The following LIN7A variants were observed in gnomAD, a reference collection of about 807,000 sequenced individuals.
LIN7A encodes the protein lin-7 cell polarity scaffold A, also known as protein lin-7 homolog A.
Under a neutral mutation model 29.8 loss-of-function variants are expected in LIN7A, and 25 were observed. The ratio of observed to expected loss-of-function variants is 0.84; its 90% confidence interval spans 0.61 to 1.17. The LOEUF (loss-of-function observed/expected upper bound fraction) is 1.17. LIN7A is among the 50% of genes most tolerant of loss of function. The pLI is 0.00. For synonymous variants in LIN7A, 118 were observed against 107.5 expected, an observed-to-expected ratio of 1.10 and a Z score of -0.60; for missense variants, 239 against 287.0, an observed-to-expected ratio of 0.83 and a Z score of 1.21.
In LIN7A at chr12:80,795,280, C is replaced by G. The variant is rs947989931; in HGVS notation, c.*2447G>C. On this transcript the variant is annotated 3_prime_UTR_variant, in exon 6 of 6. Coordinates refer to ENST00000552864, the MANE Select transcript of LIN7A (RefSeq NM_004664.4). ...CTCTGATTAAAACTTTAGGAAAAGA[C>G]TTACATTTCAACCAACAAGATTTTA... The G allele has an allele frequency of 2.0e-5, 3 of 152,046 alleles. No individual in the cohort carries two copies. Among genetic ancestry groups the G allele is most frequent in the African/African-American group, 7.2e-5 (3 of 41,456 alleles). 9.4% of individuals were successfully genotyped at this position (152,046 alleles called of 1,614,324 possible). A position where few individuals can be genotyped will look rare whatever the true frequency, so the allele number is the denominator to read the frequency against.
intron 2 of LIN7A, among the ~76,000 whole-genome samples, chr12:80,852,674 C>T (rs763352106): frequency 2.0e-5 from 3 of 152,122 alleles, no homozygotes; most frequent in Non-Finnish European, 4.4e-5. Flanking sequence ...TTTGAAAAAA[C>T]TTTGAATTTA....
rs147623580 is a variant in LIN7A at position 80,931,850 on chromosome 12, A to G, written c.82+5791T>C. Among the ~76,000 whole-genome samples, 3 of 152,314 alleles carry G rather than the reference A, an allele frequency of 2.0e-5. No individual in the cohort carries two copies. The East Asian group carries it at 5.8e-4, about 29-fold the overall frequency. On this transcript the variant is annotated intron_variant, in intron 1 of 5. Coordinates refer to ENST00000552864, the MANE Select transcript of LIN7A (RefSeq NM_004664.4). ...GCTGCTGCTATGGGAAGGATTTAGG[A>G]CAAGAGACATAAAATATAGTCAGCC...
intron 5 of LIN7A, among the ~76,000 whole-genome samples, chr12:80,807,221 G>A (rs1871085887): frequency 6.6e-6 from 1 of 151,628 alleles, no homozygotes; most frequent in African/African-American, 2.4e-5. Flanking sequence ...ACAGGCGCCC[G>A]CCACCACGCC....
intron 4 of LIN7A, among the ~76,000 whole-genome samples, chr12:80,839,242 G>T (rs913691027): frequency 6.6e-6 from 1 of 152,158 alleles, no homozygotes; most frequent in Non-Finnish European, 1.5e-5. Flanking sequence ...CTTAAATTAT[G>T]ATTAATAAGG....
chr12:80,818,576 A>G (rs1163425525), intron 4 of LIN7A, among the ~76,000 whole-genome samples: 1 of 152,218 alleles, frequency 6.6e-6, no homozygotes, highest in Non-Finnish European at 1.5e-5. Flanking sequence ...TAAGTATCAC[A>G]TTGGCAGTTT....
At chr12:80,890,440 C>T (rs958560630) in intron 1 of LIN7A, among the ~76,000 whole-genome samples, 1 of 152,088 alleles carries the variant, frequency 6.6e-6, no homozygotes, top group Non-Finnish European at 1.5e-5. Flanking sequence ...GTTATTAATG[C>T]TTGGTGCCAG....
intron 1 of LIN7A, among the ~76,000 whole-genome samples, chr12:80,920,511 A>T (rs1877247574): frequency 6.6e-6 from 1 of 152,210 alleles, no homozygotes; most frequent in Admixed American, 6.5e-5. Flanking sequence ...ATATACTCTA[A>T]ACCCTAGGGC....
At chr12:80,930,914 A>G (rs565041446) in intron 1 of LIN7A, among the ~76,000 whole-genome samples, 2 of 152,340 alleles carry the variant, frequency 1.3e-5, no homozygotes, top group African/African-American at 4.8e-5. Flanking sequence ...CATTCAATCA[A>G]CAAATACAAA....
intron 1 of LIN7A, among the ~76,000 whole-genome samples, chr12:80,930,145 T>C (rs1458458606): frequency 1.3e-5 from 2 of 152,210 alleles, no homozygotes; most frequent in Non-Finnish European, 2.9e-5. Context: ...CAGTTAGACT[T>C]GGACTAGCTA....
At chr12:80,927,335 G>A (rs371418354) in intron 1 of LIN7A, among the ~76,000 whole-genome samples, 62 of 151,742 alleles carry the variant, frequency 4.1e-4, no homozygotes, top group African/African-American at 1.4e-3. Flanking sequence ...CTAATTTTTT[G>A]TATTTTTAGC....
intron 4 of LIN7A, among the ~76,000 whole-genome samples, chr12:80,839,768 C>T (rs1402538288): frequency 6.6e-6 from 1 of 152,124 alleles, no homozygotes; most frequent in Non-Finnish European, 1.5e-5. Context: ...TGAGTACTTA[C>T]TTTCAACTTG....
intron 4 of LIN7A, among the ~76,000 whole-genome samples, chr12:80,835,409 C>T (rs1259570472): frequency 6.6e-6 from 1 of 152,056 alleles, no homozygotes; most frequent in African/African-American, 2.4e-5. Context: ...CCAAAAATTC[C>T]AATGACTTGC....
Position 80,829,281 on chromosome 12 carries a change from T to C in LIN7A, c.483+16449A>G, listed in dbSNP as rs74541120. On this transcript the variant is annotated intron_variant, in intron 4 of 5. Transcript: ENST00000552864. ...CTCAAAATTTACAGATGTAGAAGTA[T>C]AGTCTGTGGGAGCTTCAAAACCTCA... 1.3e-3 allele frequency among the ~76,000 whole-genome samples: 191 copies of C among 152,322 alleles called. 1 individual carries two copies. The highest frequency in any genetic ancestry group is 4.1e-3 in the African/African-American group (170 of 41,576).
intron 4 of LIN7A, among the ~76,000 whole-genome samples, chr12:80,844,456 C>T (rs552298974): frequency 3.2e-4 from 49 of 152,226 alleles, no homozygotes; most frequent in African/African-American, 1.2e-3. Flanking sequence ...AGAAGAATTT[C>T]ATTCTACAGT....
rs1873045578 is a variant in LIN7A at position 80,845,779 on chromosome 12, C to T, written c.434G>A (p.Arg145Lys). The T allele has an allele frequency of 6.2e-7, 1 of 1,613,914 alleles. No homozygotes were observed. Among genetic ancestry groups the T allele is most frequent in the Non-Finnish European group, 8.5e-7 (1 of 1,179,956 alleles). ...SRIIPGGVAE[R>K]HGGLKRGDQL... is the part of the protein sequence containing the mutation. ...GTCTCCTCTTTTGAGGCCTCCGTGT[C>T]TTTCAGCCACCCCTCCAGGAATTAT... Residue 145 changes from arginine (R) to lysine (K), a missense_variant, in exon 4 of 6, where the codon AGA becomes AAA. Transcript: ENST00000552864.
At chr12:80,912,546 C>T (rs2120812104) in intron 1 of LIN7A, among the ~76,000 whole-genome samples, 1 of 151,774 alleles carries the variant, frequency 6.6e-6, no homozygotes, top group South Asian at 2.1e-4. Flanking sequence ...GAAACCTCGT[C>T]TCTACAAAAA....
chr12:80,901,156 A>G (rs1428813431), intron 1 of LIN7A, among the ~76,000 whole-genome samples: 1 of 152,168 alleles, frequency 6.6e-6, no homozygotes, highest in Non-Finnish European at 1.5e-5. Flanking sequence ...TAGGAATAAA[A>G]TAAAACCACT....
chr12:80,807,063 G>GTTTTTTTTTGTTTTTTTTT lies in LIN7A; in HGVS notation c.*4401_*4402insAAAAAAAAACAAAAAAAAA, dbSNP rs374349839. 4.5e-3 allele frequency among the ~76,000 whole-genome samples: 240 copies of GTTTTTTTTTGTTTTTTTTT among 53,580 alleles called. 24 individuals carry two copies. Among genetic ancestry groups the GTTTTTTTTTGTTTTTTTTT allele is most frequent in the East Asian group, 0.012 (22 of 1,884 alleles). The allele number at this position is 53,580 out of a possible 152,430, so 35.2% of individuals were successfully genotyped here. On this transcript the variant is annotated intron_variant, in intron 5 of 5. Transcript: ENST00000552864. ...CCATAGGAAATTTAATGAAGATGGA[G>GTTTTTTTTTGTTTTTTTTT]TTTTTTTTTTTTTTTTTTTTTTTTT... is the stretch of plus-strand genomic sequence containing the variant.
At chr12:80,908,597 C>T (rs577273731) in intron 1 of LIN7A, among the ~76,000 whole-genome samples, 8 of 152,142 alleles carry the variant, frequency 5.3e-5, no homozygotes, top group African/African-American at 1.9e-4. Flanking sequence ...CATTTCTATA[C>T]TTTTCTGCAC....
Sources: allele counts gnomAD v4.1 joint callset (sites outside exome capture counted in the v4.1 genomes callset), GRCh38; gene constraint gnomAD v4.1.1; transcripts MANE v1.5; gene names NCBI Gene and HGNC (gene_info 2026-07-23, HGNC 2026-07-21).